Variants in MYL6B observed in about 807,000 individuals in gnomAD.
MYL6B encodes the protein myosin alkali light chain 1 slow a.
In MYL6B, 19 loss-of-function variants were observed where a neutral mutation model predicts 24.5. That is an observed-to-expected ratio of 0.78 (90% CI 0.54 to 1.14). The LOEUF (loss-of-function observed/expected upper bound fraction) is 1.14, where lower values mean the gene tolerates loss of function less well. Ranked by LOEUF, MYL6B falls within the 50% of genes most tolerant of loss-of-function variation. MYL6B has a pLI of 0.00. For synonymous variants in MYL6B, 90 were observed against 100.7 expected (o/e 0.89, Z 0.64); for missense variants, 230 against 263.8 (o/e 0.87, Z 0.89).
At chr12:56,157,426 A>C (rs1393940218) in intron 5 of MYL6B, 42 bp from the exon 6 acceptor site, 1 of 1,582,228 alleles carries the variant, frequency 6.3e-7, no homozygotes, top group Admixed American at 1.7e-5. Context: ...GGGTGAGTGA[A>C]GGAGGGAAAG....
chr12:56,153,928 A>G lies in MYL6B; in HGVS notation c.10A>G (p.Lys4Glu), dbSNP rs779414576. ...TTGGCCACCGGACATCATGCCTCCC[A>G]AGAAGGATGTTCCCGTGAAGAAACC... The change falls in exon 2 of 7, where the codon AAG becomes GAG. Residue 4 changes from lysine (K) to glutamate (E), a missense_variant. Transcript: ENST00000553066. 3.7e-6 allele frequency: 6 copies of G among 1,612,054 alleles called. No individual in the cohort carries two copies. In the African/African-American group the frequency reaches 6.7e-5, roughly 18 times the overall value.
At chr12:56,157,913 G>T in exon 7 of MYL6B, 3 of 645,912 alleles carry the variant, frequency 4.6e-6, no homozygotes, top group Non-Finnish European at 7.9e-6. Context: ...GGGCCCCGCA[G>T]GCGAAAGCAC....
At chr12:56,157,570 G>A (rs1344098709) in intron 6 of MYL6B, 25 bp downstream of exon 6, 2 of 1,613,480 alleles carry the variant, frequency 1.2e-6, no homozygotes, top group African/African-American at 1.3e-5. Flanking sequence ...AAGCGGGAGC[G>A]GGGCCGAGGG....
exon 2 of MYL6B, chr12:56,153,901 C>G: frequency 6.2e-7 from 1 of 1,603,574 alleles, no homozygotes; most frequent in South Asian, 1.1e-5. Context: ...GCACACTGTC[C>G]TTTGGCCACC....
chr12:56,155,989 GAGA>G (rs1211076336), intron 5 of MYL6B: 12 of 1,167,254 alleles, frequency 1.0e-5, no homozygotes, highest in Non-Finnish European at 1.2e-5. Flanking sequence ...GAGGCTATGG[GAGA>G]AGAAGAGGTA....
chr12:56,157,723 C>T (rs17850911), exon 7 of MYL6B: 1 of 1,612,212 alleles, frequency 6.2e-7, no homozygotes, highest in Non-Finnish European at 8.5e-7. Flanking sequence ...TCCTAAGCGT[C>T]TGAGTGCTGC....
intron 6 of MYL6B, 55 bp downstream of exon 6, chr12:56,157,600 T>C (rs1170212695): frequency 1.4e-5 from 22 of 1,612,960 alleles, no homozygotes; most frequent in Non-Finnish European, 1.8e-5. Flanking sequence ...GCCTGGCGTC[T>C]TGCCGCGTGT....
rs772863113 is a variant in MYL6B at position 56,154,852 on chromosome 12, C to G, written c.202+12C>G. 1.9e-6 allele frequency: 3 copies of G among 1,611,986 alleles called. No homozygotes were observed. Among genetic ancestry groups the G allele is most frequent in the Non-Finnish European group, 2.5e-6 (3 of 1,178,944 alleles). On this transcript the variant is annotated intron_variant, in intron 3 of 6. Transcript: ENST00000553066. ...GGACCAGCTGGAGGGTGAGGAGAAG[C>G]TCATCTAAGGCCACTGTCCCATCCC... is the stretch of plus-strand genomic sequence containing the variant.
At chr12:56,155,706 G>T in intron 5 of MYL6B, 114 bp downstream of exon 5, 1 of 1,566,754 alleles carries the variant, frequency 6.4e-7, no homozygotes, top group Non-Finnish European at 8.6e-7. Context: ...CCTGCAGGTT[G>T]TCGGCAGGAG....
intron 5 of MYL6B, 142 bp downstream of exon 5, chr12:56,155,734 T>C: frequency 2.6e-6 from 4 of 1,541,396 alleles, no homozygotes; most frequent in South Asian, 2.4e-5. Flanking sequence ...AGGTCAGAGC[T>C]ATGGGGGTAG....
chr12:56,156,556 G>C (rs751540510), intron 5 of MYL6B, among the ~76,000 whole-genome samples: 2 of 152,030 alleles, frequency 1.3e-5, no homozygotes, highest in East Asian at 1.9e-4. Context: ...GGTGAGCCGA[G>C]ACCGTGCCAC....
In MYL6B at chr12:56,154,366, T is replaced by A. The variant is rs79606241; in HGVS notation, c.174+274T>A. Among the ~76,000 whole-genome samples, 114 of 152,314 alleles carry A rather than the reference T, an allele frequency of 7.5e-4. 4 individuals are homozygous for A. The East Asian group carries it at 0.013, about 18-fold the overall frequency. On this transcript the variant is annotated intron_variant, in intron 2 of 6. Coordinates refer to ENST00000553066, the Ensembl canonical transcript of MYL6B. The stretch of plus-strand genomic sequence containing the variant: ...CAGGGACTCTTAGATGGGGAACATC[T>A]GGGTTCTGAGAACAGTTTCAAGGTG...
intron 3 of MYL6B, 65 bp downstream of exon 3, chr12:56,154,905 T>G: frequency 2.5e-6 from 4 of 1,591,528 alleles, no homozygotes; most frequent in Non-Finnish European, 3.4e-6. Context: ...TCTCTTTCTA[T>G]TCCCCTAACC....
exon 7 of MYL6B, chr12:56,157,929 A>G: frequency 1.6e-6 from 1 of 610,360 alleles, no homozygotes; most frequent in Non-Finnish European, 2.9e-6. Context: ...AGCACGTTCC[A>G]GCCACCAGGA....
chr12:56,156,097 G>A, intron 5 of MYL6B: 2 of 935,684 alleles, frequency 2.1e-6, no homozygotes, highest in Non-Finnish European at 2.6e-6. Flanking sequence ...CCTTAGCTCG[G>A]GAGTTCGAGA....
rs534643488 is a variant in MYL6B, at chr12:56,156,536, T to A, written c.521-932T>A. Reference sequence around the variant, plus strand: ...AGGAGAATCGCTTTAACCCGGGAGGTGGAGGTTGCGGTGAGCCGAGACCGT... The same window carrying A: ...AGGAGAATCGCTTTAACCCGGGAGGAGGAGGTTGCGGTGAGCCGAGACCGT... On this transcript the variant is annotated intron_variant, in intron 5 of 6. Coordinates refer to ENST00000553066, the Ensembl canonical transcript of MYL6B. Among the ~76,000 whole-genome samples the A allele has an allele frequency of 4.8e-5, 7 of 146,152 alleles. No individual in the cohort carries two copies. In the East Asian group the frequency reaches 1.4e-3, roughly 30 times the overall value.
rs779106968 is a variant in MYL6B at position 56,155,607 on chromosome 12, G to A, written c.520+15G>A. 1.5e-5 allele frequency: 24 copies of A among 1,612,030 alleles called. No individual in the cohort carries two copies. The highest frequency in any genetic ancestry group is 2.0e-5 in the Non-Finnish European group (24 of 1,178,974). On this transcript the variant is annotated intron_variant, in intron 5 of 6. Coordinates refer to ENST00000553066, the Ensembl canonical transcript of MYL6B. ...CACCACCCTTGGTGAGGCAGGCAAG[G>A]GGGACCAGAACTCCTTTAGAGTGGA... is the stretch of plus-strand genomic sequence containing the variant.
rs376290715 is a variant in MYL6B, at chr12:56,157,396, A to G, written c.521-72A>G. The G allele has an allele frequency of 9.1e-5, 134 of 1,471,196 alleles. No individual in the cohort carries two copies. The African/African-American group carries it at 1.7e-3, about 19-fold the overall frequency. The allele number at this position is 1,471,196 out of a possible 1,614,324, so 91.1% of individuals were successfully genotyped here. A position where few individuals can be genotyped will look rare whatever the true frequency, so the allele number is the denominator to read the frequency against. On this transcript the variant is annotated intron_variant, in intron 5 of 6. Coordinates refer to ENST00000553066, the Ensembl canonical transcript of MYL6B. Reference sequence around the variant, plus strand: ...AGGAGCGAAACTCCGTCTCAAAAAAAAAAAGGAAAAGCGTGGCCTGGGTGA... The same window carrying G: ...AGGAGCGAAACTCCGTCTCAAAAAAGAAAAGGAAAAGCGTGGCCTGGGTGA...
chr12:56,157,389 C>T (rs1056815046), intron 5 of MYL6B, 79 bp from the exon 6 acceptor site: 2 of 1,083,528 alleles, frequency 1.8e-6, no homozygotes, highest in Non-Finnish European at 2.6e-6. Context: ...AACTCCGTCT[C>T]AAAAAAAAAA....
Sources: allele counts gnomAD v4.1 joint callset (sites outside exome capture counted in the v4.1 genomes callset), GRCh38; gene constraint gnomAD v4.1.1; transcripts MANE v1.5; gene names NCBI Gene and HGNC (gene_info 2026-07-23, HGNC 2026-07-21).